Variants in GABRA3 observed in about 807,000 individuals in gnomAD.
GABRA3 encodes gamma-aminobutyric acid receptor subunit alpha-3.
Under a neutral mutation model 30.1 loss-of-function variants are expected in GABRA3, and 10 were observed. The ratio of observed to expected loss-of-function variants is 0.33; its 90% CI spans 0.20 to 0.56. The LOEUF (loss-of-function observed/expected upper bound fraction) is 0.56, where lower values mean the gene tolerates loss of function less well. GABRA3 is among the 20% of genes least tolerant of loss of function. The pLI, the probability that GABRA3 is intolerant of heterozygous loss-of-function variation, is 0.89. For missense variants in GABRA3, 233 were observed against 392.0 expected (o/e 0.59, Z 3.42); for synonymous variants, 151 against 146.8 (o/e 1.03, Z -0.21).
At chrX:152,425,027 G>A (rs752087175) in intron 1 of GABRA3, among the ~76,000 whole-genome samples, 1 of 99,039 alleles carries the variant, frequency 1.0e-5, no homozygotes, top group East Asian at 3.3e-4. Context: ...TGACCTCCCA[G>A]GCCCAGGCTC....
chrX:152,360,822 CA>C (rs1172950232), intron 2 of GABRA3, among the ~76,000 whole-genome samples: 3 of 102,817 alleles, frequency 2.9e-5, no homozygotes, highest in African/African-American at 3.5e-5. Context: ...CCTGTAATAC[CA>C]ACACTTTGGG....
intron 2 of GABRA3, among the ~76,000 whole-genome samples, chrX:152,358,993 G>A (rs979989425): frequency 9.0e-6 from 1 of 111,387 alleles, no homozygotes; most frequent in Non-Finnish European, 1.9e-5. Context: ...TTGCATCTAC[G>A]TTCCTCAAGG....
intron 4 of GABRA3, among the ~76,000 whole-genome samples, chrX:152,269,488 C>T (rs1569375815): frequency 1.8e-5 from 2 of 111,750 alleles, no homozygotes; most frequent in Admixed American, 9.5e-5. Context: ...AAAGACGAAT[C>T]CTAAAATTTA....
chrX:152,200,722 A>G (rs1282024833), intron 7 of GABRA3, among the ~76,000 whole-genome samples: 1 of 111,912 alleles, frequency 8.9e-6, no homozygotes, highest in African/African-American at 3.2e-5. Flanking sequence ...GAAATATTTA[A>G]TATATAAAAG....
intron 1 of GABRA3, among the ~76,000 whole-genome samples, chrX:152,417,465 G>A (rs906856030): frequency 1.8e-5 from 2 of 109,126 alleles, no homozygotes; most frequent in African/African-American, 6.7e-5. Context: ...AAGTCAGTGT[G>A]GCGATTCCTC....
intron 7 of GABRA3, among the ~76,000 whole-genome samples, chrX:152,205,280 T>C (rs1320887962): frequency 9.0e-6 from 1 of 111,645 alleles, no homozygotes; most frequent in Non-Finnish European, 1.9e-5. Context: ...TGTGAATTGT[T>C]TAACCTTTCA....
chrX:152,413,391 T>C (rs1303288844), intron 1 of GABRA3, among the ~76,000 whole-genome samples: 1 of 111,428 alleles, frequency 9.0e-6, no homozygotes, highest in Admixed American at 9.6e-5. Flanking sequence ...ATATCCTTCA[T>C]GAATATAAAC....
chrX:152,240,239 C>T (rs1434561479), intron 5 of GABRA3, among the ~76,000 whole-genome samples: 3 of 104,838 alleles, frequency 2.9e-5, no homozygotes, highest in Non-Finnish European at 5.7e-5. Context: ...TATTTTATTT[C>T]TCCTTCACTT....
intron 1 of GABRA3, among the ~76,000 whole-genome samples, chrX:152,388,684 C>T (rs921830736): frequency 8.9e-6 from 1 of 112,221 alleles, no homozygotes; most frequent in African/African-American, 3.2e-5. Context: ...CTGGAGCACA[C>T]AACTATAGGA....
chrX:152,274,467 A>G (rs1055592238), intron 4 of GABRA3, among the ~76,000 whole-genome samples: 2 of 111,475 alleles, frequency 1.8e-5, no homozygotes, highest in Non-Finnish European at 3.8e-5. Context: ...TACATCCTAC[A>G]GATCATTCTC....
chrX:152,261,724 G>C (rs1478673876), intron 4 of GABRA3, among the ~76,000 whole-genome samples: 3 of 112,022 alleles, frequency 2.7e-5, no homozygotes, highest in Admixed American at 1.9e-4. Flanking sequence ...CTGGAGTTGA[G>C]TGTCTGTGGC....
intron 3 of GABRA3, among the ~76,000 whole-genome samples, chrX:152,289,967 A>G (rs1939373388): frequency 8.9e-6 from 1 of 112,034 alleles, no homozygotes; most frequent in African/African-American, 3.2e-5. Flanking sequence ...GAATAGTGCC[A>G]CAATAAACAT....
chrX:152,180,169 A>G (rs1467796051), intron 9 of GABRA3, among the ~76,000 whole-genome samples: 1 of 112,024 alleles, frequency 8.9e-6, no homozygotes, highest in Non-Finnish European at 1.9e-5. Flanking sequence ...TCCCACCAAT[A>G]GTGTGGAAGG....
intron 1 of GABRA3, among the ~76,000 whole-genome samples, chrX:152,436,473 T>C (rs1393832815): frequency 9.0e-6 from 1 of 111,421 alleles, no homozygotes; most frequent in Non-Finnish European, 1.9e-5. Context: ...GGGGGAATAT[T>C]GCCCCAGTTG....
chrX:152,207,890 T>A, intron 7 of GABRA3, 111 bp downstream of exon 7: 1 of 738,484 alleles, frequency 1.4e-6, no homozygotes, highest in Non-Finnish European at 2.0e-6. Flanking sequence ...GATAATACTA[T>A]CTTTGTCACA....
intron 9 of GABRA3, among the ~76,000 whole-genome samples, chrX:152,181,332 A>G (rs1937143411): frequency 9.0e-6 from 1 of 111,709 alleles, no homozygotes; most frequent in Non-Finnish European, 1.9e-5. Flanking sequence ...TCTTTTCCAG[A>G]TAGTTCATTG....
At chrX:152,210,298 C>T (rs1937617568) in intron 6 of GABRA3, among the ~76,000 whole-genome samples, 1 of 111,886 alleles carries the variant, frequency 8.9e-6, no homozygotes, top group East Asian at 2.8e-4. Context: ...ATTCTCCCAT[C>T]TTGTTTAAAA....
intron 1 of GABRA3, among the ~76,000 whole-genome samples, chrX:152,422,051 C>T (rs1930385595): frequency 9.0e-6 from 1 of 111,007 alleles, no homozygotes; most frequent in Non-Finnish European, 1.9e-5. Flanking sequence ...CTTAGTTATA[C>T]AGACAACAAA....
intron 1 of GABRA3, among the ~76,000 whole-genome samples, chrX:152,423,137 T>C (rs1233723908): frequency 8.9e-6 from 1 of 112,032 alleles, no homozygotes; most frequent in African/African-American, 3.2e-5. Context: ...AAATGAAGCA[T>C]TGTAGTACTA....
Sources: gnomAD v4.1 joint callset for allele counts (sites outside exome capture counted in the v4.1 genomes callset) on GRCh38, gnomAD v4.1.1 for gene constraint, MANE v1.5 for transcripts, NCBI Gene and HGNC (gene_info 2026-07-23, HGNC 2026-07-21) for gene names.